ANK3: variants seen among roughly 807,000 people sequenced by gnomAD.
ANK3 encodes ankyrin-3.
A neutral mutation model predicts 370.9 loss-of-function variants in ANK3; 57 were observed. That is an observed-to-expected ratio of 0.15 (90% CI 0.12 to 0.19). ANK3 has a LOEUF of 0.19. Among genes scored for constraint, ANK3 ranks in the 10% least tolerant of loss-of-function variants. The pLI, the probability that ANK3 is intolerant of heterozygous loss-of-function variation, is 1.00. For synonymous variants in ANK3, 1,929 were observed against 1,946.3 expected (o/e 0.99, Z 0.23); for missense variants, 4,439 against 5,302.1 (o/e 0.84, Z 5.06).
chr10:60,400,684 C>A (rs1421622580), intron 2 of ANK3, among the ~76,000 whole-genome samples: 1 of 152,114 alleles, frequency 6.6e-6, no homozygotes, highest in Non-Finnish European at 1.5e-5. Context: ...AATTTCCTGT[C>A]ATATCTTGAA....
intron 7 of ANK3, among the ~76,000 whole-genome samples, chr10:60,251,999 C>T (rs934846136): frequency 6.6e-6 from 1 of 152,328 alleles, no homozygotes; most frequent in Non-Finnish European, 1.5e-5. Flanking sequence ...CCATCACAGT[C>T]TAGCTTTGCA....
intron 1 of ANK3, among the ~76,000 whole-genome samples, chr10:60,329,179 A>G (rs1754096636): frequency 6.6e-6 from 1 of 152,238 alleles, no homozygotes; most frequent in South Asian, 2.1e-4. Flanking sequence ...CCAATATCAT[A>G]TTGAATGGCC....
intron 1 of ANK3, among the ~76,000 whole-genome samples, chr10:60,310,659 A>T (rs1056306529): frequency 1.3e-5 from 2 of 152,248 alleles, no homozygotes; most frequent in African/African-American, 4.8e-5. Flanking sequence ...AGGAGCCGTA[A>T]TGCCTATGCC....
chr10:60,408,640 ACT>A (rs2063500385), intron 2 of ANK3, among the ~76,000 whole-genome samples: 1 of 152,158 alleles, frequency 6.6e-6, no homozygotes, highest in African/African-American at 2.4e-5. Context: ...AGAAAGAATA[ACT>A]CTAGAGAAAT....
rs115962683 is a variant in ANK3, at chr10:60,666,341, A to G, written c.58-51117T>C. On this transcript the variant is annotated intron_variant, in intron 1 of 43. Transcript: ENST00000373827. ...ATGACTCCACTTATATGAATTATCT[A>G]GAGTTGTGAAATTCACAAAGACAGA... Among the ~76,000 whole-genome samples, 421 of 152,362 alleles carry G rather than the reference A, an allele frequency of 2.8e-3. 1 individual carries two copies. The highest frequency in any genetic ancestry group is 9.8e-3 in the African/African-American group (409 of 41,600).
intron 2 of ANK3, among the ~76,000 whole-genome samples, chr10:60,530,656 G>T (rs1168254830): frequency 1.3e-5 from 2 of 152,120 alleles, no homozygotes; most frequent in African/African-American, 4.8e-5. Flanking sequence ...TGGGATTTGA[G>T]CCCCCATGGC....
chr10:60,574,770 G>A (rs187807438), intron 2 of ANK3, among the ~76,000 whole-genome samples: 21 of 152,286 alleles, frequency 1.4e-4, no homozygotes, highest in Middle Eastern at 6.8e-3. Context: ...GTCTAAGCAG[G>A]TGGATTCAAT....
intron 32 of ANK3, chr10:60,083,952 CT>C (rs1380853018): frequency 1.2e-5 from 2 of 170,488 alleles, no homozygotes; most frequent in African/African-American, 5.0e-5. Flanking sequence ...CTGTTAGATA[CT>C]TACATGCTCA....
At chr10:60,506,929 T>A (rs1046900341) in intron 2 of ANK3, among the ~76,000 whole-genome samples, 1 of 152,122 alleles carries the variant, frequency 6.6e-6, no homozygotes, top group African/African-American at 2.4e-5. Flanking sequence ...TTATTTATAA[T>A]TCATAATCCC....
At chr10:60,448,113 A>G (rs976682190) in intron 2 of ANK3, among the ~76,000 whole-genome samples, 3 of 152,182 alleles carry the variant, frequency 2.0e-5, no homozygotes, top group African/African-American at 7.2e-5. Flanking sequence ...AATCCAGAGA[A>G]GAACAGGCAG....
intron 2 of ANK3, among the ~76,000 whole-genome samples, chr10:60,501,614 A>T (rs1265670828): frequency 6.6e-6 from 1 of 151,636 alleles, no homozygotes; most frequent in East Asian, 1.9e-4. Context: ...CTGAGGCAGA[A>T]GAAATGTTTG....
At chr10:60,639,500 A>G (rs537489327) in intron 1 of ANK3, among the ~76,000 whole-genome samples, 4 of 151,636 alleles carry the variant, frequency 2.6e-5, no homozygotes, top group East Asian at 1.9e-4. Flanking sequence ...TTACTTTTTA[A>G]TGTAAAAATA....
At chr10:60,557,795 C>T (rs1323752311) in intron 2 of ANK3, among the ~76,000 whole-genome samples, 1 of 152,132 alleles carries the variant, frequency 6.6e-6, no homozygotes, top group East Asian at 1.9e-4. Flanking sequence ...AAGGGTCCAA[C>T]TACTTTGACA....
chr10:60,332,918 A>G (rs2051737238), intron 1 of ANK3, among the ~76,000 whole-genome samples: 1 of 152,188 alleles, frequency 6.6e-6, no homozygotes, highest in Non-Finnish European at 1.5e-5. Flanking sequence ...AATAAGAATA[A>G]ACCACACCAT....
intron 1 of ANK3, among the ~76,000 whole-genome samples, chr10:60,703,894 G>T (rs2079577500): frequency 1.3e-5 from 2 of 152,136 alleles, no homozygotes; most frequent in African/African-American, 4.8e-5. Context: ...CCCTTGTGCA[G>T]AACCGTCTCC....
intron 1 of ANK3, among the ~76,000 whole-genome samples, chr10:60,385,819 C>T (rs937406538): frequency 6.6e-6 from 1 of 152,062 alleles, no homozygotes; most frequent in Non-Finnish European, 1.5e-5. Context: ...AATTTTTTGA[C>T]AGGACTTGGT....
chr10:60,250,221 T>C (rs2097629600), intron 7 of ANK3, among the ~76,000 whole-genome samples: 1 of 139,770 alleles, frequency 7.2e-6, no homozygotes. Context: ...AAGAATCACC[T>C]GAGGAACTTG....
intron 7 of ANK3, among the ~76,000 whole-genome samples, chr10:60,254,424 G>A (rs2097708396): frequency 6.6e-6 from 1 of 152,112 alleles, no homozygotes; most frequent in South Asian, 2.1e-4. Context: ...TCTTACTGGA[G>A]CCAGGCTCAC....
intron 1 of ANK3, among the ~76,000 whole-genome samples, chr10:60,374,978 G>A (rs920794131): frequency 2.6e-5 from 4 of 151,938 alleles, no homozygotes; most frequent in African/African-American, 9.7e-5. Flanking sequence ...TTTGGGAAGA[G>A]GAAAAAAGGG....
Sources: allele counts gnomAD v4.1 joint callset (sites outside exome capture counted in the v4.1 genomes callset), GRCh38; gene constraint gnomAD v4.1.1; transcripts MANE v1.5; gene names NCBI Gene and HGNC (gene_info 2026-07-23, HGNC 2026-07-21).